Variants in LRCH3 observed in about 807,000 individuals in gnomAD.
The protein encoded by LRCH3 is leucine rich repeats and calponin homology domain containing 3, also known as DISP complex protein LRCH3.
A neutral mutation model predicts 104.5 loss-of-function variants in LRCH3; 68 were observed. That is an observed-to-expected ratio of 0.65 (90% CI 0.54 to 0.80). The LOEUF is 0.80. Ranked by LOEUF, LRCH3 falls within the 30% of genes least tolerant of loss-of-function variation. LRCH3 has a pLI of 0.00. For missense variants in LRCH3, 951 were observed against 953.9 expected, an observed-to-expected ratio of 1.00 and a Z score of 0.04; for synonymous variants, 344 against 361.3, an observed-to-expected ratio of 0.95 and a Z score of 0.54.
At chr3:197,839,526 T>C (rs1298498064) in intron 10 of LRCH3, 129 bp downstream of exon 10, 2 of 534,180 alleles carry the variant, frequency 3.7e-6, no homozygotes, top group East Asian at 3.4e-5. Flanking sequence ...TGAGCGACGG[T>C]GTGCTTTTTT....
chr3:197,865,372 A>G, intron 15 of LRCH3, 51 bp from the exon 16 acceptor site: 1 of 1,236,060 alleles, frequency 8.1e-7, no homozygotes, highest in Non-Finnish European at 1.2e-6. Context: ...TAAAAGTAGA[A>G]AGTATTTCTT....
intron 5 of LRCH3, among the ~76,000 whole-genome samples, chr3:197,827,268 G>A (rs386470172): frequency 3.8e-3 from 557 of 145,716 alleles, no homozygotes; most frequent in East Asian, 7.6e-3. Flanking sequence ...GAAGCATCAG[G>A]TAAACCATAG....
At position 197,819,214 on chromosome 3, in the gene LRCH3, C is replaced by G. The variant is rs554614654; in HGVS notation, c.535-1111C>G. 1.3e-3 allele frequency among the ~76,000 whole-genome samples: 199 copies of G among 151,898 alleles called. 1 individual carries two copies. The highest frequency in any genetic ancestry group is 3.5e-3 in the Admixed American group (54 of 15,246). ...TTGTTCAGCAACATCCTTGTTGGTT[C>G]GCTCTTTTTTTCCTCTTCATTAAGT... is the stretch of plus-strand genomic sequence containing the variant. On this transcript the variant is annotated intron_variant, in intron 3 of 20. Coordinates refer to ENST00000425562, the MANE Select transcript of LRCH3 (RefSeq NM_001365715.1).
chr3:197,879,594 C>T (rs73089373), intron 20 of LRCH3, among the ~76,000 whole-genome samples: 31,655 of 149,420 alleles, frequency 0.21, 6,471 homozygotes, highest in African/African-American at 0.53. Flanking sequence ...TGCAGTGAGC[C>T]GAGATCAGCG....
chr3:197,828,023 G>A (rs985631402), intron 5 of LRCH3, among the ~76,000 whole-genome samples: 2 of 148,610 alleles, frequency 1.3e-5, no homozygotes, highest in South Asian at 4.2e-4. Flanking sequence ...GCTGCAGTGA[G>A]CTGAGATGGC....
chr3:197,827,409 A>G lies in LRCH3; in HGVS notation c.777+395A>G, dbSNP rs1326127812. Reference sequence around the variant, plus strand: ...TAAACCATAGTGGAAGCATCAGGTAAATCATAGTGGAAGCATCAGGCAAAT... The same window carrying G: ...TAAACCATAGTGGAAGCATCAGGTAGATCATAGTGGAAGCATCAGGCAAAT... On this transcript the variant is annotated intron_variant, in intron 5 of 20. Transcript: ENST00000425562. 2.0e-5 allele frequency among the ~76,000 whole-genome samples: 3 copies of G among 151,978 alleles called. No homozygotes were observed. In the East Asian group the frequency reaches 5.8e-4, roughly 29 times the overall value.
At chr3:197,801,480 T>G (rs1251297710) in intron 1 of LRCH3, among the ~76,000 whole-genome samples, 2 of 152,236 alleles carry the variant, frequency 1.3e-5, no homozygotes, top group African/African-American at 4.8e-5. Flanking sequence ...TTTTCTTCAT[T>G]TATGTTCGAC....
Position 197,835,634 on chromosome 3 carries a change from GGTGTGTGTGTGTGTGTGGGTGT to G in LRCH3, c.1103-32_1103-11del. 3.0e-6 allele frequency: 4 copies of G among 1,324,518 alleles called. No individual in the cohort carries two copies. Among genetic ancestry groups the G allele is most frequent in the Non-Finnish European group, 4.1e-6 (4 of 985,514 alleles). 82.0% of individuals were successfully genotyped at this position (1,324,518 alleles called of 1,614,324 possible). Reference sequence around the variant, plus strand: ...CTATCTAATTTGAATGTTTTTTTCTGGTGTGTGTGTGTGTGTGGGTGTGTGTGTGGTGTATACAGTGGAACAT... The same window carrying G: ...CTATCTAATTTGAATGTTTTTTTCTGGTGTGTGGTGTATACAGTGGAACAT... On this transcript the variant is annotated intron_variant, in intron 8 of 20. Transcript: ENST00000425562.
intron 4 of LRCH3, among the ~76,000 whole-genome samples, chr3:197,824,850 G>A (rs926652638): frequency 9.9e-5 from 15 of 152,222 alleles, no homozygotes; most frequent in Middle Eastern, 3.4e-3. Context: ...GATTACAGGC[G>A]TGAGCCACTG....
chr3:197,800,255 G>A (rs991222020), intron 1 of LRCH3, among the ~76,000 whole-genome samples: 1 of 152,104 alleles, frequency 6.6e-6, no homozygotes, highest in African/African-American at 2.4e-5. Flanking sequence ...TAGAGAGTGG[G>A]AAGGTAAGCC....
chr3:197,821,377 A>G (rs551774146), intron 4 of LRCH3, among the ~76,000 whole-genome samples: 5 of 151,868 alleles, frequency 3.3e-5, no homozygotes, highest in Admixed American at 6.6e-5. Flanking sequence ...AAATTAATGA[A>G]ACAGAATGCT....
intron 20 of LRCH3, chr3:197,880,934 TTTCTCCTGGTCATCCGTCCA>T: frequency 1.4e-6 from 2 of 1,405,680 alleles, no homozygotes; most frequent in Middle Eastern, 2.6e-4. Flanking sequence ...ACCAGCATTT[TTTCTCCTGGTCATCCGTCCA>T]TTCTCCTGGC....
In LRCH3 at chr3:197,883,790, T is replaced by C; in HGVS notation, c.*124T>C. ...TCTCAGAAGGGACCGTTCCCATGATTCCTAACAGGAATATTTTGCTTCATT... is the reference window on the plus strand; with the variant it reads ...TCTCAGAAGGGACCGTTCCCATGATCCCTAACAGGAATATTTTGCTTCATT... On this transcript the variant is annotated 3_prime_UTR_variant, in exon 21 of 21. Coordinates refer to ENST00000425562, the MANE Select transcript of LRCH3 (RefSeq NM_001365715.1). The surrounding 1 kb of genome is among the most constrained non-coding windows in gnomAD (Gnocchi z 4.2). 9.8e-7 allele frequency: 1 copy of C among 1,023,528 alleles called. No individual in the cohort carries two copies. The highest frequency in any genetic ancestry group is 2.6e-5 in the South Asian group (1 of 37,972). The allele number at this position is 1,023,528 out of a possible 1,614,324, so 63.4% of individuals were successfully genotyped here. A position where few individuals can be genotyped will look rare whatever the true frequency, so the allele number is the denominator to read the frequency against.
At chr3:197,840,116 T>C (rs1737576282) in intron 10 of LRCH3, among the ~76,000 whole-genome samples, 1 of 152,196 alleles carries the variant, frequency 6.6e-6, no homozygotes, top group South Asian at 2.1e-4. Context: ...ATACACTCTT[T>C]CCACTGTACT....
At chr3:197,839,958 T>C (rs1328556130) in intron 10 of LRCH3, among the ~76,000 whole-genome samples, 1 of 147,414 alleles carries the variant, frequency 6.8e-6, no homozygotes. Flanking sequence ...GGCAACAGAG[T>C]GAGACCCTGT....
chr3:197,875,703 A>C lies in LRCH3; in HGVS notation c.2136A>C (p.Lys712Asn). The stretch of plus-strand genomic sequence containing the variant: ...TTTTCTTTTCCTCATTTCAGCCTAA[A>C]TTAACAATGGCGAAATGCAGGCGAA... ...SIHVPSPAVP[K>N]LTMAKCRRNV... is the part of the protein sequence containing the mutation. The change falls in exon 20 of 21, where the codon AAA (lysine) becomes AAC (asparagine). Residue 712 changes from lysine to asparagine, a missense_variant. Coordinates refer to ENST00000425562, the MANE Select transcript of LRCH3 (RefSeq NM_001365715.1). 2 of 1,534,432 alleles carry C rather than the reference A, an allele frequency of 1.3e-6. No individual in the cohort carries two copies. The highest frequency in any genetic ancestry group is 1.7e-6 in the Non-Finnish European group (2 of 1,146,454).
chr3:197,828,703 C>CT (rs752665561), intron 5 of LRCH3, among the ~76,000 whole-genome samples: 2,910 of 112,808 alleles, frequency 0.026, 107 homozygotes, highest in Non-Finnish European at 0.035. Flanking sequence ...ATATGTTACT[C>CT]TTTTTTTTTT....
chr3:197,832,020 T>A (rs1736013053), intron 7 of LRCH3, among the ~76,000 whole-genome samples, 177 bp from the exon 8 acceptor site: 1 of 152,290 alleles, frequency 6.6e-6, no homozygotes, highest in South Asian at 2.1e-4. Flanking sequence ...GCTGAAGCGA[T>A]CGTCTCGCCT....
chr3:197,887,928 A>G lies in LRCH3; in HGVS notation c.*4262A>G, dbSNP rs1054677075. 6.6e-6 allele frequency: 1 copy of G among 152,448 alleles called. No homozygotes were observed. The highest frequency in any genetic ancestry group is 1.5e-5 in the Non-Finnish European group (1 of 68,140). 9.4% of individuals were successfully genotyped at this position (152,448 alleles called of 1,614,324 possible). A position where few individuals can be genotyped will look rare whatever the true frequency, so the allele number is the denominator to read the frequency against. On this transcript the variant is annotated 3_prime_UTR_variant, in exon 21 of 21. Coordinates refer to ENST00000425562, the MANE Select transcript of LRCH3 (RefSeq NM_001365715.1). ...ACTCATAATCTGTGTTTAGCACTCC[A>G]GTGTTCTCTTGTAATAGCCAGGTCT...
Sources: gnomAD v4.1 joint callset for allele counts (sites outside exome capture counted in the v4.1 genomes callset) on GRCh38, gnomAD v4.1.1 for gene constraint, Gnocchi (gnomAD v3.1) non-coding constraint, MANE v1.5 for transcripts, NCBI Gene and HGNC (gene_info 2026-07-23, HGNC 2026-07-21) for gene names.